Variants in MYH7B observed in about 807,000 individuals in gnomAD.
MYH7B encodes the protein myosin heavy chain 7B, also known as myosin-7B.
Under a neutral mutation model 234.5 loss-of-function variants are expected in MYH7B, and 205 were observed. That is an observed-to-expected ratio of 0.87 (90% CI 0.78 to 0.98). The LOEUF is 0.98. MYH7B is among the 50% of genes least tolerant of loss of function. MYH7B has a pLI of 0.00. For synonymous variants in MYH7B, 1,193 were observed against 1,105.0 expected, an observed-to-expected ratio of 1.08 and a Z score of -1.58; for missense variants, 2,652 against 2,633.4, an observed-to-expected ratio of 1.01 and a Z score of -0.15.
chr20:34,982,793 C>T (rs923556150), intron 10 of MYH7B, among the ~76,000 whole-genome samples: 5 of 152,182 alleles, frequency 3.3e-5, no homozygotes, highest in African/African-American at 1.2e-4. Flanking sequence ...AGGGGTGGGG[C>T]CACGTTGCCG....
chr20:34,987,673 C>G, exon 17 of MYH7B: 4 of 1,612,820 alleles, frequency 2.5e-6, no homozygotes, highest in African/African-American at 1.3e-5. Flanking sequence ...GAGTGTGGAG[C>G]AGGTGAGCTG....
At chr20:34,980,605 A>G in exon 8 of MYH7B, 2 of 1,614,084 alleles carry the variant, frequency 1.2e-6, no homozygotes, top group Non-Finnish European at 8.5e-7. Flanking sequence ...CTGTGTCACC[A>G]TCAACCCCTA....
exon 34 of MYH7B, chr20:34,998,532 A>T: frequency 6.2e-7 from 1 of 1,613,640 alleles, no homozygotes; most frequent in Non-Finnish European, 8.5e-7. Flanking sequence ...CGCCTGCTAG[A>T]GGAGAAGGAG....
At chr20:34,979,598 G>T in intron 6 of MYH7B, 63 bp from the exon 7 acceptor site, 2 of 1,608,562 alleles carry the variant, frequency 1.2e-6, no homozygotes. Flanking sequence ...GTGGGTGGGG[G>T]TGACAGGTGA....
chr20:34,994,639 T>C (rs1249509493), intron 27 of MYH7B, among the ~76,000 whole-genome samples: 4 of 152,042 alleles, frequency 2.6e-5, no homozygotes, highest in Non-Finnish European at 4.4e-5. Context: ...GAACCCCAGC[T>C]CCCCAGCTCT....
chr20:35,001,054 A>G, exon 41 of MYH7B: 1 of 1,613,840 alleles, frequency 6.2e-7, no homozygotes, highest in East Asian at 2.2e-5. Flanking sequence ...ACGGATGAAG[A>G]AGACGCTGGA....
intron 1 of MYH7B, among the ~76,000 whole-genome samples, chr20:34,957,813 A>T (rs17310467): frequency 1.3e-5 from 2 of 152,054 alleles, no homozygotes; most frequent in African/African-American, 2.4e-5. Flanking sequence ...TAAATAAACC[A>T]TGTACATTAT....
In MYH7B at chr20:34,998,394, C is replaced by T; in HGVS notation, c.3847C>T (p.Gln1283Ter). ...GCGGCAGCTGGCGGACGCAAGCACGCAGCGTGGGCGACTACAGACGGAAAG... is the reference window on the plus strand; with the variant it reads ...GCGGCAGCTGGCGGACGCAAGCACGTAGCGTGGGCGACTACAGACGGAAAG... The change falls in exon 33 of 45, where the codon CAG becomes TAG. Residue 1283 changes from glutamine to a stop codon, truncating the protein, a stop_gained. Coordinates refer to ENST00000262873, the Ensembl canonical transcript of MYH7B. LOFTEE classifies it high-confidence loss of function. 1 of 1,613,452 alleles carries T rather than the reference C, an allele frequency of 6.2e-7. No individual in the cohort carries two copies. Among genetic ancestry groups the T allele is most frequent in the Non-Finnish European group, 8.5e-7 (1 of 1,180,002 alleles).
chr20:34,988,169 G>A, exon 19 of MYH7B: 3 of 1,614,206 alleles, frequency 1.9e-6, no homozygotes, highest in Non-Finnish European at 2.5e-6. Flanking sequence ...ACATGTTTGT[G>A]CTGGAGCAGG....
chr20:35,000,223 G>A (rs1024067858), intron 38 of MYH7B, 70 bp from the exon 39 acceptor site: 55 of 1,492,396 alleles, frequency 3.7e-5, no homozygotes, highest in Non-Finnish European at 4.9e-5. Flanking sequence ...CGTTTCCAAC[G>A]GTCCTTGGGC....
chr20:35,002,030 C>G, exon 44 of MYH7B: 1 of 1,614,042 alleles, frequency 6.2e-7, no homozygotes, highest in Non-Finnish European at 8.5e-7. Flanking sequence ...GCAGACATGG[C>G]GGAAACCCAG....
At position 34,997,494 on chromosome 20, in the gene MYH7B, C is replaced by T. The variant is rs754461110; in HGVS notation, c.3601C>T (p.Arg1201Cys). Residue 1201 changes from arginine to cysteine, a missense_variant, in exon 32 of 45, where the codon CGC (arginine) becomes TGC (cysteine). By Grantham distance (180) the Arg-to-Cys change is radical. Around this residue, in one of 3 missense-constraint regions of MYH7B, gnomAD observed 2,279 missense variants for 2,211.4 expected, o/e 1.03. Coordinates refer to ENST00000262873, the Ensembl canonical transcript of MYH7B. ...CGAGGCCACAGTGGCGGCACTGCGGCGCAAGCAGGCGGAGGGCGCGGCGGA... is the reference window on the plus strand; with the variant it reads ...CGAGGCCACAGTGGCGGCACTGCGGTGCAAGCAGGCGGAGGGCGCGGCGGA... 25 of 1,563,622 alleles carry T rather than the reference C, an allele frequency of 1.6e-5. No homozygotes were observed. Among genetic ancestry groups the T allele is most frequent in the African/African-American group, 9.6e-5 (7 of 72,706 alleles).
chr20:34,994,268 T>C (rs2082210174), exon 27 of MYH7B: 3 of 1,612,684 alleles, frequency 1.9e-6, no homozygotes, highest in Non-Finnish European at 2.5e-6. Flanking sequence ...GAGGAGGAGC[T>C]GGCGGCCCTG....
At chr20:34,985,106 T>C (rs903306792) in exon 13 of MYH7B, 17 of 1,614,084 alleles carry the variant, frequency 1.1e-5, no homozygotes, top group Non-Finnish European at 1.2e-5. Flanking sequence ...TCTGGGAAGC[T>C]GGCATCCGCG....
chr20:34,986,306 T>G, intron 14 of MYH7B, 108 bp downstream of exon 14: 1 of 816,616 alleles, frequency 1.2e-6, no homozygotes, highest in Non-Finnish European at 2.0e-6. Flanking sequence ...CTCCCTGTCC[T>G]GGGGTCTGTG....
intron 7 of MYH7B, 145 bp downstream of exon 7, chr20:34,979,949 C>T: frequency 4.4e-6 from 1 of 225,436 alleles, no homozygotes; most frequent in Non-Finnish European, 5.9e-6. Flanking sequence ...GGGTCCATAG[C>T]GGGGGTGGGG....
chr20:34,972,082 G>A (rs1020855297), intron 2 of MYH7B, among the ~76,000 whole-genome samples: 1 of 152,108 alleles, frequency 6.6e-6, no homozygotes, highest in Non-Finnish European at 1.5e-5. Flanking sequence ...GCAGCAGCTC[G>A]CCCCGCTGCC....
At position 34,988,277 on chromosome 20, in the gene MYH7B, A is replaced by G. The variant is rs774876720; in HGVS notation, c.1587+15A>G. On this transcript the variant is annotated intron_variant, in intron 19 of 44. Coordinates refer to ENST00000262873, the Ensembl canonical transcript of MYH7B. ...TCATCGAGAAGGTGGGTGCCGCGGCAAGGTCACTTTGAGGAAGGGAGGGTG... is the reference window on the plus strand; with the variant it reads ...TCATCGAGAAGGTGGGTGCCGCGGCGAGGTCACTTTGAGGAAGGGAGGGTG... The G allele has an allele frequency of 7.5e-6, 12 of 1,606,172 alleles. No individual in the cohort carries two copies. The highest frequency in any genetic ancestry group is 1.0e-5 in the Non-Finnish European group (12 of 1,174,196).
At chr20:34,997,464 C>T (rs2082283573) in exon 32 of MYH7B, 4 of 1,501,996 alleles carry the variant, frequency 2.7e-6, no homozygotes, top group Non-Finnish European at 2.7e-6. Context: ...GGCGGCGCTG[C>T]GGCACGAGGC....
Sources: gnomAD v4.1 joint callset for allele counts (sites outside exome capture counted in the v4.1 genomes callset) on GRCh38, gnomAD v4.1.1 for gene constraint, gnomAD v4.1.1 regional missense constraint, MANE v1.5 for transcripts, NCBI Gene and HGNC (gene_info 2026-07-23, HGNC 2026-07-21) for gene names.